Variants in DACH2 observed in about 807,000 individuals in gnomAD.
DACH2 encodes the protein dachshund homolog 2.
A neutral mutation model predicts 35.8 loss-of-function variants in DACH2; 17 were observed. The ratio of observed to expected loss-of-function variants is 0.48; its 90% CI spans 0.33 to 0.71. The LOEUF (loss-of-function observed/expected upper bound fraction) is 0.71. Ranked by LOEUF, DACH2 falls within the 30% of genes least tolerant of loss-of-function variation. DACH2 has a pLI of 0.02. For missense variants in DACH2, 469 were observed against 472.7 expected, an observed-to-expected ratio of 0.99 and a Z score of 0.07; for synonymous variants, 195 against 177.3, an observed-to-expected ratio of 1.10 and a Z score of -0.79.
intron 10 of DACH2, 28 bp downstream of exon 10, chrX:86,814,862 C>T (rs1326604067): frequency 9.4e-6 from 11 of 1,169,780 alleles, no homozygotes; most frequent in Non-Finnish European, 1.3e-5. Context: ...TTTTCACACT[C>T]AAGGTAAACA....
intron 3 of DACH2, among the ~76,000 whole-genome samples, chrX:86,546,407 T>TCTTCTTCTTCTTC (rs1569435811): frequency 8.0e-5 from 7 of 87,355 alleles, no homozygotes; most frequent in East Asian, 3.9e-4. Flanking sequence ...TCTTCTTCCT[T>TCTTCTTCTTCTTC]CTTCTTCTTC....
At chrX:86,390,439 C>A in intron 2 of DACH2, among the ~76,000 whole-genome samples, 1 of 111,174 alleles carries the variant, frequency 9.0e-6, no homozygotes, top group Non-Finnish European at 1.9e-5. Context: ...ATTTTAAAAA[C>A]AGAATTTTAG....
chrX:86,593,735 G>T (rs1482707302), intron 3 of DACH2, among the ~76,000 whole-genome samples: 1 of 111,027 alleles, frequency 9.0e-6, no homozygotes, highest in East Asian at 2.8e-4. Context: ...ACAATATATT[G>T]TTGAATTTTA....
At position 86,533,606 on chromosome X, in the gene DACH2, A is replaced by G. The variant is rs1289496719; in HGVS notation, c.640+19215A>G. Among the ~76,000 whole-genome samples the G allele has an allele frequency of 3.6e-5, 4 of 112,206 alleles. No individual in the cohort carries two copies. In the Admixed American group the frequency reaches 3.8e-4, roughly 11 times the overall value. On this transcript the variant is annotated intron_variant, in intron 3 of 11. Transcript: ENST00000373125. The stretch of plus-strand genomic sequence containing the variant: ...AATCGTATTATTTTTTGACATAAGT[A>G]CTTCTGAGTTAGTATAGCAGAGCAT...
At chrX:86,802,984 A>G (rs889604263) in intron 7 of DACH2, among the ~76,000 whole-genome samples, 2 of 111,989 alleles carry the variant, frequency 1.8e-5, no homozygotes, top group Non-Finnish European at 3.8e-5. Context: ...ATAAAATGTT[A>G]TTTTTTGTGC....
intron 2 of DACH2, among the ~76,000 whole-genome samples, chrX:86,433,868 A>G (rs945237036): frequency 9.0e-6 from 1 of 111,708 alleles, no homozygotes; most frequent in Non-Finnish European, 1.9e-5. Context: ...AGTTTATTAT[A>G]TTTAACAGAG....
Position 86,413,997 on chromosome X carries a change from GCA to G in DACH2, c.527+37138_527+37139del, listed in dbSNP as rs756099597. Among the ~76,000 whole-genome samples the G allele has an allele frequency of 2.6e-4, 29 of 111,681 alleles. No homozygotes were observed. The East Asian group carries it at 3.4e-3, about 13-fold the overall frequency. ...GCCTGATCACTTCCCTTTTCCCAAT[GCA>G]CAGTTATCCTGGTAAAAGGTCGGAG... is the stretch of plus-strand genomic sequence containing the variant. On this transcript the variant is annotated intron_variant, in intron 2 of 11. Transcript: ENST00000373125.
chrX:86,288,306 C>G (rs1227653045), intron 1 of DACH2, among the ~76,000 whole-genome samples: 1 of 112,259 alleles, frequency 8.9e-6, no homozygotes, highest in Non-Finnish European at 1.9e-5. Context: ...TCTATGGCCA[C>G]CACTTCTGTG....
intron 4 of DACH2, among the ~76,000 whole-genome samples, chrX:86,653,235 G>C (rs1280821030): frequency 8.9e-6 from 1 of 112,026 alleles, no homozygotes; most frequent in Admixed American, 9.5e-5. Context: ...AAGATCAGAT[G>C]GTTGCAGGTC....
At chrX:86,168,202 A>G (rs989548088) in intron 1 of DACH2, among the ~76,000 whole-genome samples, 1 of 111,544 alleles carries the variant, frequency 9.0e-6, no homozygotes, top group South Asian at 3.8e-4. Context: ...TTTTCTTTAT[A>G]TGGCTGGATG....
chrX:86,421,149 A>G (rs1179334530), intron 2 of DACH2, among the ~76,000 whole-genome samples: 1 of 111,985 alleles, frequency 8.9e-6, no homozygotes, highest in Admixed American at 9.5e-5. Context: ...ATTATAAATT[A>G]TAAATGTAAG....
chrX:86,569,841 A>G (rs2039342543), intron 3 of DACH2, among the ~76,000 whole-genome samples: 1 of 111,860 alleles, frequency 8.9e-6, no homozygotes, highest in Non-Finnish European at 1.9e-5. Flanking sequence ...CAATATATCC[A>G]TCTGACAAAG....
intron 2 of DACH2, among the ~76,000 whole-genome samples, chrX:86,504,477 CTTATTTATTTAT>C (rs200198428): frequency 1.1e-3 from 109 of 101,719 alleles, no homozygotes; most frequent in African/African-American, 2.9e-3. Context: ...AAAAATAGAT[CTTATTTATTTAT>C]TTATTTATTT....
chrX:86,758,484 A>G (rs950568954), intron 7 of DACH2, among the ~76,000 whole-genome samples: 6 of 111,839 alleles, frequency 5.4e-5, no homozygotes, highest in South Asian at 7.3e-4. Context: ...TCTCGACCCA[A>G]TTGACATTCA....
intron 5 of DACH2, among the ~76,000 whole-genome samples, chrX:86,707,655 G>A (rs1458334564): frequency 9.1e-6 from 1 of 110,095 alleles, no homozygotes; most frequent in Non-Finnish European, 1.9e-5. Context: ...GGTGGCCCAC[G>A]CCTGTAATCC....
chrX:86,213,893 T>TAA (rs1477256873), intron 1 of DACH2, among the ~76,000 whole-genome samples: 1 of 111,079 alleles, frequency 9.0e-6, no homozygotes, highest in Non-Finnish European at 1.9e-5. Flanking sequence ...ATATTAATAT[T>TAA]AACTGCTTAT....
chrX:86,275,713 C>G (rs1035011227), intron 1 of DACH2, among the ~76,000 whole-genome samples: 2 of 111,906 alleles, frequency 1.8e-5, no homozygotes, highest in East Asian at 5.6e-4. Context: ...CACTACTCTT[C>G]CTGGCATCTG....
At chrX:86,314,593 C>G (rs980955462) in intron 1 of DACH2, among the ~76,000 whole-genome samples, 2 of 111,882 alleles carry the variant, frequency 1.8e-5, no homozygotes, top group African/African-American at 3.3e-5. Context: ...AAATCTAGGC[C>G]TCTTATGCCA....
chrX:86,714,851 T>C (rs2041318181), intron 6 of DACH2, 131 bp downstream of exon 6: 1 of 549,426 alleles, frequency 1.8e-6, no homozygotes, highest in Non-Finnish European at 2.7e-6. Context: ...ACAGTATTGA[T>C]GGGTTTAGTT....
Sources: allele counts gnomAD v4.1 joint callset (sites outside exome capture counted in the v4.1 genomes callset), GRCh38; gene constraint gnomAD v4.1.1; transcripts MANE v1.5; gene names NCBI Gene and HGNC (gene_info 2026-07-23, HGNC 2026-07-21).